Variants in EPN3 observed in about 807,000 individuals in gnomAD.
EPN3 encodes the protein epsin-3.
A neutral mutation model predicts 55.5 loss-of-function variants in EPN3; 56 were observed. The ratio of observed to expected loss-of-function variants is 1.01; its 90% confidence interval spans 0.81 to 1.26. The LOEUF is 1.26. Ranked by LOEUF, EPN3 falls within the 50% of genes most tolerant of loss-of-function variation. The pLI, the probability that EPN3 is intolerant of heterozygous loss-of-function variation, is 0.00. For missense variants in EPN3, 927 were observed against 853.4 expected (o/e 1.09, Z -1.07); for synonymous variants, 449 against 375.2 (o/e 1.20, Z -2.27).
At chr17:50,538,428 C>T (rs2034796073) in intron 3 of EPN3, 2 of 559,962 alleles carry the variant, frequency 3.6e-6, no homozygotes, top group East Asian at 5.9e-5. Context: ...ATTAGGGGCA[C>T]ATGCTATGTC....
intron 8 of EPN3, 28 bp downstream of exon 8, chr17:50,541,361 T>C: frequency 3.7e-6 from 6 of 1,609,430 alleles, no homozygotes; most frequent in Non-Finnish European, 5.1e-6. Context: ...ATGGTGAGGC[T>C]CTGGGGAATG....
At chr17:50,533,694 G>A (rs1014977004) in intron 1 of EPN3, among the ~76,000 whole-genome samples, 2 of 152,112 alleles carry the variant, frequency 1.3e-5, no homozygotes, top group Non-Finnish European at 2.9e-5. Flanking sequence ...TCCCTACTGC[G>A]CAGTTCTCCT....
Position 50,542,440 on chromosome 17 carries a change from T to C in EPN3, c.*283T>C, listed in dbSNP as rs951367231. ...ACCACAGCGTGGATCACCGGCTGTT[T>C]AGGAAACTGCAGCTGCACAACGTGG... On this transcript the variant is annotated 3_prime_UTR_variant, in exon 10 of 10. Transcript: ENST00000268933. 2.6e-6 allele frequency: 1 copy of C among 385,256 alleles called. No individual in the cohort carries two copies. The highest frequency in any genetic ancestry group is 4.9e-5 in the Admixed American group (1 of 20,310). 23.9% of individuals were successfully genotyped at this position (385,256 alleles called of 1,614,324 possible).
rs1379161843 is a variant in EPN3 at position 50,542,168 on chromosome 17, G to T, written c.*11G>T. ...AACCCCTTCCTCTGAGCCCCGCCCC[G>T]TCCCATACCGGCCTGCGCCTGCGCC... On this transcript the variant is annotated 3_prime_UTR_variant, in exon 10 of 10. Transcript: ENST00000268933. 6 of 1,477,570 alleles carry T rather than the reference G, an allele frequency of 4.1e-6. No homozygotes were observed. Among genetic ancestry groups the T allele is most frequent in the Non-Finnish European group, 5.3e-6 (6 of 1,123,814 alleles). 91.5% of individuals were successfully genotyped at this position (1,477,570 alleles called of 1,614,324 possible).
Position 50,543,048 on chromosome 17 carries a change from G to A in EPN3, c.*891G>A, listed in dbSNP as rs1450785756. 6.6e-6 allele frequency: 1 copy of A among 152,228 alleles called. No individual in the cohort carries two copies. The highest frequency in any genetic ancestry group is 2.4e-5 in the African/African-American group (1 of 41,448). 9.4% of individuals were successfully genotyped at this position (152,228 alleles called of 1,614,324 possible). A position where few individuals can be genotyped will look rare whatever the true frequency, so the allele number is the denominator to read the frequency against. On this transcript the variant is annotated 3_prime_UTR_variant, in exon 10 of 10. Transcript: ENST00000268933. ...CCTGGAGATCCCAGGCTGGGCCCCA[G>A]ATTTAATTCAGCAAATATTGACTGA...
In EPN3 at chr17:50,542,378, A is replaced by C; in HGVS notation, c.*221A>C. On this transcript the variant is annotated 3_prime_UTR_variant, in exon 10 of 10. Coordinates refer to ENST00000268933, the MANE Select transcript of EPN3 (RefSeq NM_017957.3). Reference sequence around the variant, plus strand: ...GGAACCCTCGTTCTCAGCTCTCACCAAGTGGACTTTTTGCGGGGTGTGGCG... The same window carrying C: ...GGAACCCTCGTTCTCAGCTCTCACCCAGTGGACTTTTTGCGGGGTGTGGCG... 4.2e-6 allele frequency: 2 copies of C among 481,090 alleles called. No individual in the cohort carries two copies. Among genetic ancestry groups the C allele is most frequent in the Non-Finnish European group, 7.0e-6 (2 of 286,398 alleles). 29.8% of individuals were successfully genotyped at this position (481,090 alleles called of 1,614,324 possible). A position where few individuals can be genotyped will look rare whatever the true frequency, so the allele number is the denominator to read the frequency against.
chr17:50,538,815 GGCCTATACTGCCCTTCT>G (rs2034802293), intron 3 of EPN3, 52 bp from the exon 4 acceptor site: 1 of 1,213,958 alleles, frequency 8.2e-7, no homozygotes, highest in Non-Finnish European at 1.2e-6. Flanking sequence ...GACCCAGGCA[GGCCTATACTGCCCTTCT>G]GGTCCCAAGG....
At chr17:50,540,412 AC>A in intron 6 of EPN3, 78 bp downstream of exon 6, 1 of 1,341,484 alleles carries the variant, frequency 7.5e-7, no homozygotes, top group East Asian at 2.4e-5. Context: ...TGGGCCAAGC[AC>A]CTCCTCCCAA....
At chr17:50,536,210 T>C (rs969314809) in intron 1 of EPN3, 1 of 301,178 alleles carries the variant, frequency 3.3e-6, no homozygotes, top group East Asian at 7.6e-5. Flanking sequence ...GTAATGATAA[T>C]AGCATCTTTG....
At chr17:50,533,930 C>T (rs1355533456) in intron 1 of EPN3, among the ~76,000 whole-genome samples, 8 of 152,296 alleles carry the variant, frequency 5.3e-5, no homozygotes, top group African/African-American at 1.9e-4. Flanking sequence ...CTGCTGCTAC[C>T]GCCACCGCCT....
chr17:50,538,756 C>A, intron 3 of EPN3, 128 bp from the exon 4 acceptor site: 1 of 628,282 alleles, frequency 1.6e-6, no homozygotes, highest in Non-Finnish European at 2.6e-6. Context: ...GACTGAGCGG[C>A]AAATGGCCCA....
chr17:50,535,705 G>A (rs1383533143), intron 1 of EPN3, among the ~76,000 whole-genome samples: 2 of 152,188 alleles, frequency 1.3e-5, no homozygotes, highest in African/African-American at 2.4e-5. Context: ...TCAACTGAAC[G>A]TGGGTGGACC....
chr17:50,536,341 G>C, intron 1 of EPN3, 80 bp from the exon 2 acceptor site: 8 of 1,226,376 alleles, frequency 6.5e-6, no homozygotes, highest in Non-Finnish European at 8.7e-6. Flanking sequence ...ACTCTGGCCA[G>C]GCCTCATTTA....
Position 50,540,978 on chromosome 17 carries a change from T to TG in EPN3, c.1168dup (p.Ala390GlyfsTer15). 1.9e-6 allele frequency: 3 copies of TG among 1,612,018 alleles called. No individual in the cohort carries two copies. The South Asian group carries it at 3.3e-5, about 18-fold the overall frequency. On this transcript the variant is annotated frameshift_variant, in exon 7 of 10. Coordinates refer to ENST00000268933, the MANE Select transcript of EPN3 (RefSeq NM_017957.3). LOFTEE classifies it high-confidence loss of function. ...TGCTGGGCCCCCCACCACAGACCCCTGGGCCCTGAACTCTCCCCACCACAA... is the reference window on the plus strand; with the variant it reads ...TGCTGGGCCCCCCACCACAGACCCCTGGGGCCCTGAACTCTCCCCACCACAA...
Position 50,532,926 on chromosome 17 carries a change from G to T in EPN3, c.-196G>T. The T allele has an allele frequency of 7.8e-7, 1 of 1,286,102 alleles. No homozygotes were observed. The highest frequency in any genetic ancestry group is 1.0e-6 in the Non-Finnish European group (1 of 987,626). The allele number at this position is 1,286,102 out of a possible 1,614,324, so 79.7% of individuals were successfully genotyped here. A position where few individuals can be genotyped will look rare whatever the true frequency, so the allele number is the denominator to read the frequency against. On this transcript the variant is annotated 5_prime_UTR_variant, in exon 1 of 10. The change creates a premature stop within an existing upstream ORF in the 5' untranslated region. Coordinates refer to ENST00000268933, the MANE Select transcript of EPN3 (RefSeq NM_017957.3). The stretch of plus-strand genomic sequence containing the variant: ...GTGCCGTCCCGCTGCTGCACAGGTC[G>T]GAGGGTCACCGCAGAGGCTACTCGG...
intron 3 of EPN3, 69 bp from the exon 4 acceptor site, chr17:50,538,815 G>A: frequency 8.2e-7 from 1 of 1,214,076 alleles, no homozygotes; most frequent in Non-Finnish European, 1.2e-6. Context: ...GACCCAGGCA[G>A]GCCTATACTG....
intron 1 of EPN3, chr17:50,534,387 C>T: frequency 1.0e-6 from 1 of 984,608 alleles, no homozygotes; most frequent in Non-Finnish European, 1.2e-6. Context: ...GCCAGGGCAG[C>T]CAGGTCCAGG....
intron 5 of EPN3, 65 bp downstream of exon 5, chr17:50,539,380 G>A: frequency 6.2e-7 from 1 of 1,605,688 alleles, no homozygotes; most frequent in East Asian, 2.2e-5. Flanking sequence ...TATTTGTAAA[G>A]AGAGAGCAGA....
intron 4 of EPN3, 23 bp from the exon 5 acceptor site, chr17:50,539,164 A>C: frequency 1.9e-6 from 3 of 1,613,228 alleles, no homozygotes; most frequent in Non-Finnish European, 2.5e-6. Context: ...TCATGCTCCT[A>C]ACTCTTTCTG....
Sources: gnomAD v4.1 joint callset for allele counts (sites outside exome capture counted in the v4.1 genomes callset) on GRCh38, gnomAD v4.1.1 for gene constraint, MANE v1.5 for transcripts, NCBI Gene and HGNC (gene_info 2026-07-23, HGNC 2026-07-21) for gene names.